FBXL7: variants seen among roughly 807,000 people sequenced by gnomAD.
FBXL7 encodes F-box and leucine rich repeat protein 7.
Under a neutral mutation model 38.3 loss-of-function variants are expected in FBXL7, and 12 were observed. The ratio of observed to expected loss-of-function variants is 0.31; its 90% CI spans 0.20 to 0.51. The LOEUF is 0.51. Among genes scored for constraint, FBXL7 ranks in the 20% least tolerant of loss-of-function variants. The pLI, the probability that FBXL7 is intolerant of heterozygous loss-of-function variation, is 0.98. For missense variants in FBXL7, 567 were observed against 676.4 expected (o/e 0.84, Z 1.79); for synonymous variants, 297 against 300.9 (o/e 0.99, Z 0.13).
chr5:15,632,167 T>G (rs1741019913), intron 2 of FBXL7, among the ~76,000 whole-genome samples: 1 of 152,214 alleles, frequency 6.6e-6, no homozygotes, highest in African/African-American at 2.4e-5. Context: ...CTGTGTATTG[T>G]TAATCATCAA....
At position 15,500,703 on chromosome 5, in the gene FBXL7, C is replaced by T. The variant is rs370588108; in HGVS notation, c.27C>T (p.Tyr9=). 5 of 1,609,280 alleles carry T rather than the reference C, an allele frequency of 3.1e-6. No individual in the cohort carries two copies. Among genetic ancestry groups the T allele is most frequent in the Non-Finnish European group, 4.2e-6 (5 of 1,177,528 alleles). MGANNGKQ[Y]GSEGKGSSSI... The stretch of plus-strand genomic sequence containing the variant: ...TGGGCGCGAACAATGGCAAACAGTA[C>T]GGCAGTGAGGGTGAGTGGGCCGCCC... Residue 9 remains tyrosine (Y), a synonymous_variant, in exon 1 of 4, where the codon TAC becomes TAT. Coordinates refer to ENST00000504595, the MANE Select transcript of FBXL7 (RefSeq NM_012304.5).
At chr5:15,751,471 A>G (rs190748272) in intron 2 of FBXL7, among the ~76,000 whole-genome samples, 1 of 152,330 alleles carries the variant, frequency 6.6e-6, no homozygotes, top group East Asian at 1.9e-4. Flanking sequence ...ACATCTACAA[A>G]TGGTTTTGAT....
chr5:15,545,278 C>G (rs1737866881), intron 1 of FBXL7, among the ~76,000 whole-genome samples: 1 of 152,206 alleles, frequency 6.6e-6, no homozygotes. Flanking sequence ...GTGCCAGACA[C>G]TTTACTAGTT....
At chr5:15,828,233 TGCTG>T (rs1561142182) in intron 2 of FBXL7, among the ~76,000 whole-genome samples, 1 of 152,258 alleles carries the variant, frequency 6.6e-6, no homozygotes, top group East Asian at 1.9e-4. Flanking sequence ...TAGGTATTGT[TGCTG>T]GCTATTATTA....
intron 2 of FBXL7, among the ~76,000 whole-genome samples, chr5:15,699,921 A>G (rs1385506483): frequency 6.6e-6 from 1 of 152,224 alleles, no homozygotes; most frequent in Non-Finnish European, 1.5e-5. Context: ...ATATAACTAC[A>G]TATATTATAC....
intron 2 of FBXL7, among the ~76,000 whole-genome samples, chr5:15,893,962 G>A (rs567315018): frequency 5.6e-4 from 85 of 152,350 alleles, no homozygotes; most frequent in African/African-American, 2.0e-3. Flanking sequence ...GGAAAAGCTA[G>A]GTGCTTAGCC....
chr5:15,759,895 G>T (rs975730888), intron 2 of FBXL7, among the ~76,000 whole-genome samples: 1 of 152,086 alleles, frequency 6.6e-6, no homozygotes, highest in Non-Finnish European at 1.5e-5. Flanking sequence ...ATTTCAGAAC[G>T]ATATAGTACC....
chr5:15,894,790 C>G (rs1246554707), intron 2 of FBXL7, among the ~76,000 whole-genome samples: 2 of 152,054 alleles, frequency 1.3e-5, no homozygotes, highest in Admixed American at 1.3e-4. Flanking sequence ...CTGGAGTTGG[C>G]CCAAAAACTA....
At chr5:15,758,311 C>CT (rs1448360722) in intron 2 of FBXL7, among the ~76,000 whole-genome samples, 1 of 146,644 alleles carries the variant, frequency 6.8e-6, no homozygotes, top group Non-Finnish European at 1.5e-5. Flanking sequence ...TAAACAAGGG[C>CT]ATTTTTTTTT....
At chr5:15,610,505 C>T (rs573835108) in intron 1 of FBXL7, among the ~76,000 whole-genome samples, 1 of 152,268 alleles carries the variant, frequency 6.6e-6, no homozygotes, top group Admixed American at 6.5e-5. Context: ...GCAAGAATGT[C>T]GTCATGCTGC....
chr5:15,714,045 A>G (rs962502960), intron 2 of FBXL7, among the ~76,000 whole-genome samples: 1 of 152,202 alleles, frequency 6.6e-6, no homozygotes, highest in African/African-American at 2.4e-5. Flanking sequence ...AGATTTGATT[A>G]TGTTATGGAC....
intron 2 of FBXL7, among the ~76,000 whole-genome samples, chr5:15,677,990 C>G (rs1742718694): frequency 6.6e-6 from 1 of 152,206 alleles, no homozygotes; most frequent in East Asian, 1.9e-4. Context: ...GTCAACTTCT[C>G]TGCAATGTCT....
chr5:15,775,543 G>T (rs187273383), intron 2 of FBXL7, among the ~76,000 whole-genome samples: 25 of 152,126 alleles, frequency 1.6e-4, no homozygotes, highest in East Asian at 7.7e-4. Context: ...TTATGCATTA[G>T]CTCTTCATTT....
At chr5:15,935,077 T>G in intron 3 of FBXL7, 1 of 509,548 alleles carries the variant, frequency 2.0e-6, no homozygotes, top group South Asian at 1.4e-5. Flanking sequence ...GGGAAGCCAT[T>G]TCCAGTGCTC....
intron 2 of FBXL7, among the ~76,000 whole-genome samples, chr5:15,864,501 T>G (rs942980106): frequency 1.3e-5 from 2 of 152,156 alleles, no homozygotes; most frequent in Non-Finnish European, 2.9e-5. Context: ...ATTGATATTC[T>G]AGAGTTGTAG....
chr5:15,554,052 A>G (rs1486664068), intron 1 of FBXL7, among the ~76,000 whole-genome samples: 2 of 152,154 alleles, frequency 1.3e-5, no homozygotes, highest in Non-Finnish European at 2.9e-5. Flanking sequence ...TTCCTGGGGG[A>G]GAGAGAGAAT....
At chr5:15,796,034 C>T (rs1466742249) in intron 2 of FBXL7, among the ~76,000 whole-genome samples, 4 of 152,138 alleles carry the variant, frequency 2.6e-5, no homozygotes, top group African/African-American at 9.7e-5. Context: ...GAATTGATTG[C>T]CTGCAGAGTA....
At chr5:15,570,419 G>T (rs1561032176) in intron 1 of FBXL7, among the ~76,000 whole-genome samples, 1 of 152,168 alleles carries the variant, frequency 6.6e-6, no homozygotes, top group Non-Finnish European at 1.5e-5. Flanking sequence ...TTGTATTTCT[G>T]TGGGGTCAGT....
intron 1 of FBXL7, among the ~76,000 whole-genome samples, chr5:15,577,055 T>A (rs1258342906): frequency 6.6e-6 from 1 of 152,206 alleles, no homozygotes; most frequent in Admixed American, 6.5e-5. Context: ...AACATGAAGA[T>A]TCCAGTGTCC....
Sources: gnomAD v4.1 joint callset for allele counts (sites outside exome capture counted in the v4.1 genomes callset) on GRCh38, gnomAD v4.1.1 for gene constraint, MANE v1.5 for transcripts, NCBI Gene and HGNC (gene_info 2026-07-23, HGNC 2026-07-21) for gene names.